ZIC4: variants seen among roughly 807,000 people sequenced by gnomAD.
ZIC4 encodes zinc finger protein ZIC 4.
ZIC4 carries 15 observed loss-of-function variants against 28.8 expected under a neutral mutation model. The observed-to-expected ratio is 0.52, with a 90% CI of 0.35 to 0.80. ZIC4 has a LOEUF of 0.80. Ranked by LOEUF, ZIC4 falls within the 30% of genes least tolerant of loss-of-function variation. The pLI is 0.01. For synonymous variants in ZIC4, 220 were observed against 198.1 expected (o/e 1.11, Z -0.93); for missense variants, 512 against 467.1 (o/e 1.10, Z -0.89).
At chr3:147,397,959 G>A (rs2087084448) in intron 2 of ZIC4, among the ~76,000 whole-genome samples, 1 of 151,710 alleles carries the variant, frequency 6.6e-6, no homozygotes, top group South Asian at 2.1e-4. Context: ...CTCCTCCCCG[G>A]TGTTGGAGAG....
At chr3:147,388,995 A>G (rs1285199546) in intron 4 of ZIC4, 136 bp from the exon 5 acceptor site, 30 of 655,808 alleles carry the variant, frequency 4.6e-5, no homozygotes, top group Non-Finnish European at 8.4e-6. Flanking sequence ...GTCCTACTTC[A>G]GGAAGGGGGA....
intron 1 of ZIC4, chr3:147,403,842 A>ATCTCTCTCTC: frequency 1.1e-6 from 1 of 915,424 alleles, no homozygotes; most frequent in Non-Finnish European, 1.6e-6. Context: ...ATGCACAAAG[A>ATCTCTCTCTC]TCTCTCTCTC....
chr3:147,397,343 T>A (rs988109612), intron 2 of ZIC4, among the ~76,000 whole-genome samples: 10 of 151,584 alleles, frequency 6.6e-5, no homozygotes, highest in Non-Finnish European at 1.5e-4. Flanking sequence ...TCTCTCTCTC[T>A]CACACTTCCC....
chr3:147,403,856 CT>C, intron 1 of ZIC4: 1 of 1,077,138 alleles, frequency 9.3e-7, no homozygotes, highest in Non-Finnish European at 1.3e-6. Flanking sequence ...CTCTCTCTCT[CT>C]CTCCCCCTCA....
In ZIC4 at chr3:147,396,006, A is replaced by G; in HGVS notation, c.534T>C (p.Cys178=). Residue 178 remains cysteine (C), a synonymous_variant, in exon 3 of 5, where the codon TGT becomes TGC. Transcript: ENST00000383075. The surrounding 1 kb of genome is among the most constrained non-coding windows in gnomAD (Gnocchi z 4.2). ...QANHICFWEE[C]PRQGKPFKAK... ...CTTTGAAGGGCTTTCCCTGGCGCGGACACTCCTCCCAGAAGCAAATGTGGT... is the reference window on the plus strand; with the variant it reads ...CTTTGAAGGGCTTTCCCTGGCGCGGGCACTCCTCCCAGAAGCAAATGTGGT... 6.2e-7 allele frequency: 1 copy of G among 1,614,222 alleles called. No individual in the cohort carries two copies. The highest frequency in any genetic ancestry group is 8.5e-7 in the Non-Finnish European group (1 of 1,180,050).
intron 3 of ZIC4, among the ~76,000 whole-genome samples, chr3:147,394,952 T>C (rs1303756459): frequency 6.6e-6 from 1 of 152,174 alleles, no homozygotes; most frequent in Non-Finnish European, 1.5e-5. Context: ...TTTTATTTTC[T>C]CCTGTCCCCA....
chr3:147,393,695 G>T (rs2086975370), intron 3 of ZIC4: 2 of 286,016 alleles, frequency 7.0e-6, no homozygotes, highest in Admixed American at 1.0e-4. Flanking sequence ...GCCCCGGCGC[G>T]GTCTCTTTTC....
At chr3:147,405,579 G>C in intron 1 of ZIC4, 1 of 1,166,088 alleles carries the variant, frequency 8.6e-7, no homozygotes, top group Non-Finnish European at 1.2e-6. Flanking sequence ...CTGGGTCTAG[G>C]CTAGGGGCCA....
Position 147,396,383 on chromosome 3 carries a change from C to T in ZIC4, c.157G>A (p.Ala53Thr), listed in dbSNP as rs1429583831. 6.5e-7 allele frequency: 1 copy of T among 1,531,778 alleles called. No homozygotes were observed. The highest frequency in any genetic ancestry group is 8.7e-7 in the Non-Finnish European group (1 of 1,144,094). 94.9% of individuals were successfully genotyped at this position (1,531,778 alleles called of 1,614,324 possible). The change falls in exon 3 of 5, where the codon GCC becomes ACC. Residue 53 changes from alanine to threonine, a missense_variant. By Grantham distance (58) the Ala-to-Thr change is moderately conservative. This residue lies in a region of ZIC4 where 310 missense variants were observed against 256.5 expected (regional missense o/e 1.21). Coordinates refer to ENST00000383075, the MANE Select transcript of ZIC4 (RefSeq NM_032153.6). The surrounding 1 kb of genome is among the most constrained non-coding windows in gnomAD (Gnocchi z 4.2). ...CCATTCAAAGGACGGCTGGGGGAGG[C>T]CTGGGGAGGCTCCTCGTGGAGGCCC... Reference protein sequence around the residue: ...FPGLHEEPPQASPSRPLNGLL... With the variant: ...FPGLHEEPPQTSPSRPLNGLL...
Position 147,395,842 on chromosome 3 carries a change from G to T in ZIC4, c.688+10C>A, listed in dbSNP as rs1323831225. The T allele has an allele frequency of 1.9e-6, 3 of 1,602,556 alleles. No individual in the cohort carries two copies. Among genetic ancestry groups the T allele is most frequent in the Non-Finnish European group, 2.6e-6 (3 of 1,172,360 alleles). On this transcript the variant is annotated intron_variant, in intron 3 of 4. Coordinates refer to ENST00000383075, the MANE Select transcript of ZIC4 (RefSeq NM_032153.6). ...GGGTCCGCACGCGACAGACAGCGCC[G>T]AATACTGACCTGTGTGAGTTCGTTT...
chr3:147,400,021 G>T (rs192905354), intron 2 of ZIC4, among the ~76,000 whole-genome samples: 1 of 152,302 alleles, frequency 6.6e-6, no homozygotes, highest in East Asian at 1.9e-4. Flanking sequence ...TTGAATAACA[G>T]TATGGACAGA....
At chr3:147,390,791 C>T (rs2086895742) in intron 4 of ZIC4, 140 bp downstream of exon 4, 4 of 1,141,588 alleles carry the variant, frequency 3.5e-6, no homozygotes, top group Non-Finnish European at 4.8e-6. Flanking sequence ...ACTCTGCATT[C>T]GGTGTGTGCG....
At chr3:147,405,487 G>C (rs1363665955) in intron 1 of ZIC4, 2 of 1,536,958 alleles carry the variant, frequency 1.3e-6, no homozygotes, top group East Asian at 2.4e-5. Flanking sequence ...CCAACTTTCA[G>C]ATCCAACCTT....
At chr3:147,394,494 C>T (rs1055185090) in intron 3 of ZIC4, among the ~76,000 whole-genome samples, 3 of 149,088 alleles carry the variant, frequency 2.0e-5, no homozygotes, top group Admixed American at 2.0e-4. Context: ...AAAACCCTGT[C>T]ATTAAAGATG....
Position 147,386,092 on chromosome 3 carries a change from T to TC in ZIC4, c.*2766_*2767insG. 1 of 152,266 alleles carries TC rather than the reference T, an allele frequency of 6.6e-6. No homozygotes were observed. The highest frequency in any genetic ancestry group is 6.5e-5 in the Admixed American group (1 of 15,304). The allele number at this position is 152,266 out of a possible 1,614,324, so 9.4% of individuals were successfully genotyped here. ...TCACATTATTTATTTCCAAAGAAAA[T>TC]AGCCAAATGCAGCGCCATGTACACA... On this transcript the variant is annotated 3_prime_UTR_variant, in exon 5 of 5. Coordinates refer to ENST00000383075, the MANE Select transcript of ZIC4 (RefSeq NM_032153.6).
intron 3 of ZIC4, chr3:147,392,199 T>C (rs2086939899): frequency 1.4e-5 from 14 of 985,376 alleles, no homozygotes; most frequent in Non-Finnish European, 1.6e-5. Context: ...GGATCCGAGG[T>C]GTCTACCGCA....
chr3:147,394,723 C>T (rs1278991260), intron 3 of ZIC4, among the ~76,000 whole-genome samples: 3 of 152,166 alleles, frequency 2.0e-5, no homozygotes, highest in Admixed American at 6.5e-5. Context: ...AAATAAAGTG[C>T]CAGGCTCCAA....
rs745757137 is a variant in ZIC4 at position 147,395,820 on chromosome 3, T to C, written c.688+32A>G. ...CCCGAGGGCCTGCTTCCCCAGAGGG[T>C]CCGCACGCGACAGACAGCGCCGAAT... On this transcript the variant is annotated intron_variant, in intron 3 of 4. Transcript: ENST00000383075. 2 of 1,582,752 alleles carry C rather than the reference T, an allele frequency of 1.3e-6. 1 individual carries two copies. The highest frequency in any genetic ancestry group is 1.7e-6 in the Non-Finnish European group (2 of 1,161,724).
At position 147,396,567 on chromosome 3, in the gene ZIC4, G is replaced by A; in HGVS notation, c.71-98C>T. 3 of 1,407,600 alleles carry A rather than the reference G, an allele frequency of 2.1e-6. No individual in the cohort carries two copies. Among genetic ancestry groups the A allele is most frequent in the Non-Finnish European group, 2.8e-6 (3 of 1,074,992 alleles). 87.2% of individuals were successfully genotyped at this position (1,407,600 alleles called of 1,614,324 possible). ...GCAGGCCCAGCCCTGCCGCACTACGGCCTCTGCAGTCAGCCGTGGAACTCA... is the reference window on the plus strand; with the variant it reads ...GCAGGCCCAGCCCTGCCGCACTACGACCTCTGCAGTCAGCCGTGGAACTCA... On this transcript the variant is annotated intron_variant, in intron 2 of 4. Transcript: ENST00000383075. This position sits in a 1 kb window ranked among gnomAD's most constrained non-coding sequence, Gnocchi z 4.2.
Sources: gnomAD v4.1 joint callset for allele counts (sites outside exome capture counted in the v4.1 genomes callset) on GRCh38, gnomAD v4.1.1 for gene constraint, gnomAD v4.1.1 regional missense constraint, Gnocchi (gnomAD v3.1) non-coding constraint, MANE v1.5 for transcripts, NCBI Gene and HGNC (gene_info 2026-07-23, HGNC 2026-07-21) for gene names.